IQGAP2: variants seen among roughly 807,000 people sequenced by gnomAD.
The protein encoded by IQGAP2 is IQ motif containing GTPase activating protein 2, also known as ras GTPase-activating-like protein IQGAP2.
IQGAP2 carries 173 observed loss-of-function variants against 201.3 expected under a neutral mutation model. That is an observed-to-expected ratio of 0.86 (90% CI 0.76 to 0.98). The LOEUF is 0.98. Among genes scored for constraint, IQGAP2 ranks in the 50% least tolerant of loss-of-function variants. The pLI is 0.00. For synonymous variants in IQGAP2, 675 were observed against 673.9 expected, an observed-to-expected ratio of 1.00 and a Z score of -0.03; for missense variants, 1,687 against 1,864.8, an observed-to-expected ratio of 0.90 and a Z score of 1.76.
chr5:76,642,603 G>A (rs896863903), intron 17 of IQGAP2, among the ~76,000 whole-genome samples: 1 of 152,130 alleles, frequency 6.6e-6, no homozygotes, highest in Non-Finnish European at 1.5e-5. Flanking sequence ...TGAACCAAAA[G>A]GTGTCATGCT....
chr5:76,547,690 C>T (rs907269905), intron 2 of IQGAP2, among the ~76,000 whole-genome samples: 11 of 152,174 alleles, frequency 7.2e-5, no homozygotes, highest in Admixed American at 3.9e-4. Context: ...TGAGTACTTT[C>T]GGTTCTTTCT....
At chr5:76,598,278 A>T (rs1197840138) in intron 10 of IQGAP2, among the ~76,000 whole-genome samples, 1 of 152,216 alleles carries the variant, frequency 6.6e-6, no homozygotes, top group Non-Finnish European at 1.5e-5. Flanking sequence ...ACATATATCA[A>T]AATAAATTTT....
intron 1 of IQGAP2, among the ~76,000 whole-genome samples, chr5:76,449,636 C>T (rs1753607221): frequency 6.6e-6 from 1 of 152,222 alleles, no homozygotes; most frequent in African/African-American, 2.4e-5. Context: ...TCTCTGCCAG[C>T]ACTTTGCACC....
At chr5:76,513,358 A>G (rs987117797) in intron 2 of IQGAP2, among the ~76,000 whole-genome samples, 16 of 152,232 alleles carry the variant, frequency 1.1e-4, no homozygotes, top group Non-Finnish European at 1.8e-4. Flanking sequence ...CTGGGTCTGA[A>G]CCAGGTCTGT....
At chr5:76,415,733 G>A (rs1036016800) in intron 1 of IQGAP2, among the ~76,000 whole-genome samples, 1 of 152,328 alleles carries the variant, frequency 6.6e-6, no homozygotes, top group African/African-American at 2.4e-5. Context: ...CTGGAGGCCA[G>A]GAGTTCAAGA....
chr5:76,629,791 A>G (rs770626305), intron 14 of IQGAP2, among the ~76,000 whole-genome samples: 17 of 152,288 alleles, frequency 1.1e-4, no homozygotes, highest in Middle Eastern at 3.4e-3. Flanking sequence ...ATGGCTTAAG[A>G]TGTAAAGCAA....
At chr5:76,582,778 A>G (rs1745960333) in intron 5 of IQGAP2, among the ~76,000 whole-genome samples, 1 of 145,434 alleles carries the variant, frequency 6.9e-6, no homozygotes, top group African/African-American at 2.5e-5. Context: ...GGTTCAGTAG[A>G]TAACAACTAC....
intron 1 of IQGAP2, among the ~76,000 whole-genome samples, chr5:76,452,335 G>A (rs1753812457): frequency 6.6e-6 from 1 of 150,944 alleles, no homozygotes; most frequent in Non-Finnish European, 1.5e-5. Context: ...TTGGTGTGCT[G>A]CACCATTAAC....
chr5:76,523,385 C>G lies in IQGAP2; in HGVS notation c.147-39011C>G, dbSNP rs138275231. 3.4e-3 allele frequency among the ~76,000 whole-genome samples: 512 copies of G among 152,268 alleles called. 3 individuals are homozygous for G. The highest frequency in any genetic ancestry group is 0.012 in the African/African-American group (492 of 41,536). On this transcript the variant is annotated intron_variant, in intron 2 of 35. Coordinates refer to ENST00000274364, the MANE Select transcript of IQGAP2 (RefSeq NM_006633.5). Reference sequence around the variant, plus strand: ...GATTACAGCCATTGAACCACCACGACCAGCCTTAATTTTCACTGGGAAAGA... The same window carrying G: ...GATTACAGCCATTGAACCACCACGAGCAGCCTTAATTTTCACTGGGAAAGA...
At chr5:76,658,435 G>A (rs1339626113) in intron 20 of IQGAP2, 24 bp from the exon 21 acceptor site, 2 of 1,566,614 alleles carry the variant, frequency 1.3e-6, no homozygotes, top group East Asian at 2.2e-5. Context: ...CCTAATTAAA[G>A]TATACCTGTT....
chr5:76,590,355 A>G, intron 7 of IQGAP2, 53 bp from the exon 8 acceptor site: 1 of 1,399,158 alleles, frequency 7.1e-7, no homozygotes, highest in Non-Finnish European at 9.8e-7. Flanking sequence ...GCAACTGTCC[A>G]TGTTGTCTTT....
At chr5:76,582,780 A>G (rs1580515053) in intron 5 of IQGAP2, among the ~76,000 whole-genome samples, 1 of 141,536 alleles carries the variant, frequency 7.1e-6, no homozygotes, top group Non-Finnish European at 1.5e-5. Context: ...TTCAGTAGAT[A>G]ACAACTACTA....
rs558085680 is a variant in IQGAP2 at position 76,406,794 on chromosome 5, A to G, written c.46+3203A>G. On this transcript the variant is annotated intron_variant, in intron 1 of 35. Coordinates refer to ENST00000274364, the MANE Select transcript of IQGAP2 (RefSeq NM_006633.5). ...CTTAAGTGACTACAGTGGGTCTCCA[A>G]TGATTGCATAGGCAAGAACTGTGGT... Among the ~76,000 whole-genome samples the G allele has an allele frequency of 2.6e-5, 4 of 151,508 alleles. No homozygotes were observed. The East Asian group carries it at 7.8e-4, about 30-fold the overall frequency.
At chr5:76,452,181 C>G (rs1753798850) in intron 1 of IQGAP2, among the ~76,000 whole-genome samples, 1 of 147,324 alleles carries the variant, frequency 6.8e-6, no homozygotes, top group Non-Finnish European at 1.5e-5. Flanking sequence ...TACCCGAGTG[C>G]TGGGATTATA....
chr5:76,612,506 CATAAA>C (rs560267175), intron 13 of IQGAP2, among the ~76,000 whole-genome samples: 2 of 151,950 alleles, frequency 1.3e-5, no homozygotes, highest in Non-Finnish European at 2.9e-5. Context: ...AAAATAAATA[CATAAA>C]ATAAAATAAA....
At chr5:76,464,394 T>G (rs907514133) in intron 2 of IQGAP2, among the ~76,000 whole-genome samples, 2 of 152,254 alleles carry the variant, frequency 1.3e-5, no homozygotes, top group Non-Finnish European at 2.9e-5. Flanking sequence ...TTTATTATAA[T>G]GCACATATGT....
At chr5:76,507,938 G>A (rs564206699) in intron 2 of IQGAP2, among the ~76,000 whole-genome samples, 34 of 150,576 alleles carry the variant, frequency 2.3e-4, no homozygotes, top group African/African-American at 8.3e-4. Context: ...GAACCTGGGA[G>A]GTTGCAGTGA....
intron 26 of IQGAP2, 50 bp from the exon 27 acceptor site, chr5:76,674,427 T>G (rs750218558): frequency 9.1e-7 from 1 of 1,099,200 alleles, no homozygotes; most frequent in Non-Finnish European, 1.3e-6. Flanking sequence ...AAACTAAAAC[T>G]CTTGAGTTTT....
chr5:76,683,783 A>T lies in IQGAP2; in HGVS notation c.3771A>T (p.Gly1257=). The T allele has an allele frequency of 6.2e-7, 1 of 1,610,976 alleles. No homozygotes were observed. Among genetic ancestry groups the T allele is most frequent in the South Asian group, 1.1e-5 (1 of 90,258 alleles). Residue 1257 remains glycine (G), a synonymous_variant, in exon 30 of 36, where the codon GGA becomes GGT. Transcript: ENST00000274364. ...VPTVESFLGE[G]AVDPNDPNKA... Reference sequence around the variant, plus strand: ...TAGGTTTTTTCCCTACAGGGGAAGGAGCAGTTGACCCCAATGACCCTAACA... The same window carrying T: ...TAGGTTTTTTCCCTACAGGGGAAGGTGCAGTTGACCCCAATGACCCTAACA...
Sources: gnomAD v4.1 joint callset for allele counts (sites outside exome capture counted in the v4.1 genomes callset) on GRCh38, gnomAD v4.1.1 for gene constraint, MANE v1.5 for transcripts, NCBI Gene and HGNC (gene_info 2026-07-23, HGNC 2026-07-21) for gene names.